ECE1: variants seen among roughly 807,000 people sequenced by gnomAD.
The protein encoded by ECE1 is endothelin converting enzyme 1.
A neutral mutation model predicts 98.6 loss-of-function variants in ECE1; 35 were observed. The ratio of observed to expected loss-of-function variants is 0.35; its 90% confidence interval spans 0.27 to 0.47. The LOEUF is 0.47. Ranked by LOEUF, ECE1 falls within the 20% of genes least tolerant of loss-of-function variation. ECE1 has a pLI of 1.00. For missense variants in ECE1, 814 were observed against 1,025.3 expected, an observed-to-expected ratio of 0.79 and a Z score of 2.81; for synonymous variants, 394 against 407.1, an observed-to-expected ratio of 0.97 and a Z score of 0.39.
intron 7 of ECE1, 39 bp from the exon 8 acceptor site, chr1:21,256,177 C>G (rs775758654): frequency 2.5e-6 from 4 of 1,573,534 alleles, no homozygotes; most frequent in Non-Finnish European, 3.5e-6. Flanking sequence ...TGGCTGCCCC[C>G]CCACTATCCA....
chr1:21,323,677 C>T (rs1341418708), intron 1 of ECE1, among the ~76,000 whole-genome samples: 1 of 151,704 alleles, frequency 6.6e-6, no homozygotes, highest in Non-Finnish European at 1.5e-5. Context: ...TAAGCCTTGC[C>T]TTCATGAAAC....
At chr1:21,301,827 G>GA (rs34861827) in intron 1 of ECE1, among the ~76,000 whole-genome samples, 6,900 of 33,934 alleles carry the variant, frequency 0.2, 1,291 homozygotes, top group Non-Finnish European at 0.28. Flanking sequence ...CCCTGTCTCA[G>GA]AAAAAAAAAA....
intron 4 of ECE1, among the ~76,000 whole-genome samples, chr1:21,265,387 C>T (rs10799687): frequency 0.04 from 6,029 of 152,160 alleles, 409 homozygotes; most frequent in African/African-American, 0.14. Flanking sequence ...CAAAAGTTAT[C>T]CGGGTGTGGT....
chr1:21,279,263 C>G lies in ECE1; in HGVS notation c.208G>C (p.Val70Leu). 1 of 1,614,246 alleles carries G rather than the reference C, an allele frequency of 6.2e-7. No homozygotes were observed. The highest frequency in any genetic ancestry group is 1.1e-5 in the South Asian group (1 of 91,084). ...GCCGCCAGAAGTACCACCAACACCA[C>G]CAGCCGCTTCTCCACCTGGGTCCGT... ...AARTQVEKRL[V>L]VLVVLLAAGL... The change falls in exon 3 of 19, where the codon GTG becomes CTG. Residue 70 changes from valine (V) to leucine (L), a missense_variant. Coordinates refer to ENST00000374893, the MANE Select transcript of ECE1 (RefSeq NM_001397.3).
Position 21,307,674 on chromosome 1 carries a change from G to A in ECE1, c.4-17518C>T, listed in dbSNP as rs1486225119. Among the ~76,000 whole-genome samples, 2 of 152,156 alleles carry A rather than the reference G, an allele frequency of 1.3e-5. No homozygotes were observed. Among genetic ancestry groups the A allele is most frequent in the Non-Finnish European group, 2.9e-5 (2 of 68,024 alleles). On this transcript the variant is annotated intron_variant, in intron 1 of 18. Transcript: ENST00000415912. The surrounding 1 kb of genome is among the most constrained non-coding windows in gnomAD (Gnocchi z 4.2). Reference sequence around the variant, plus strand: ...TCTTTGTACCTCTGAGGTACAAAGTGGAAGCTCTGCCTGGCTGGCAAGACC... The same window carrying A: ...TCTTTGTACCTCTGAGGTACAAAGTAGAAGCTCTGCCTGGCTGGCAAGACC...
intron 14 of ECE1, among the ~76,000 whole-genome samples, chr1:21,230,856 A>C (rs943938549): frequency 1.3e-5 from 2 of 152,062 alleles, no homozygotes; most frequent in Non-Finnish European, 2.9e-5. Context: ...CATAAAATTT[A>C]AAAAAAATCA....
At chr1:21,285,287 C>T (rs1422060469) in intron 2 of ECE1, among the ~76,000 whole-genome samples, 2 of 152,166 alleles carry the variant, frequency 1.3e-5, no homozygotes, top group Admixed American at 1.3e-4. Context: ...ACCCAGCTCC[C>T]CACAGCATGG....
intron 2 of ECE1, among the ~76,000 whole-genome samples, chr1:21,284,893 A>T (rs1230405928): frequency 1.3e-5 from 2 of 152,182 alleles, no homozygotes; most frequent in Non-Finnish European, 2.9e-5. Flanking sequence ...AAACCCAGCC[A>T]CCTGGGAGCG....
intron 4 of ECE1, among the ~76,000 whole-genome samples, chr1:21,264,354 G>A (rs571637276): frequency 3.7e-5 from 5 of 136,520 alleles, no homozygotes; most frequent in East Asian, 4.8e-4. Context: ...TCGCTCTGTC[G>A]CCCAGGCTGG....
chr1:21,330,391 G>A (rs1639175241), intron 1 of ECE1, among the ~76,000 whole-genome samples: 1 of 151,616 alleles, frequency 6.6e-6, no homozygotes, highest in African/African-American at 2.4e-5. Flanking sequence ...ACCATGCCCA[G>A]CTAATTGTTT....
intron 1 of ECE1, among the ~76,000 whole-genome samples, chr1:21,338,289 C>T (rs776479541): frequency 3.3e-5 from 5 of 152,196 alleles, no homozygotes; most frequent in East Asian, 1.9e-4. Context: ...TTCCAAGTGA[C>T]GCAACCAAGT....
At chr1:21,335,320 C>T (rs934275860) in intron 1 of ECE1, among the ~76,000 whole-genome samples, 6 of 152,202 alleles carry the variant, frequency 3.9e-5, no homozygotes, top group African/African-American at 7.2e-5. Context: ...TTTCTTCTCT[C>T]GGAGCGATCC....
rs2098265326 is a variant in ECE1 at position 21,290,307 on chromosome 1, G to A, written c.51+57C>T. 8.1e-6 allele frequency: 10 copies of A among 1,236,324 alleles called. No homozygotes were observed. The highest frequency in any genetic ancestry group is 1.0e-5 in the Non-Finnish European group (10 of 992,988). The allele number at this position is 1,236,324 out of a possible 1,614,324, so 76.6% of individuals were successfully genotyped here. On this transcript the variant is annotated intron_variant, in intron 1 of 18. Transcript: ENST00000374893. The surrounding 1 kb of genome is among the most constrained non-coding windows in gnomAD (Gnocchi z 7.3). ...GAGACCGGCCCACGGAGCGGCCCGC[G>A]CGGGGAGGGGTCCCGCCCGCCTCCC...
At chr1:21,231,614 T>A (rs2098181827) in intron 14 of ECE1, among the ~76,000 whole-genome samples, 1 of 152,148 alleles carries the variant, frequency 6.6e-6, no homozygotes, top group Non-Finnish European at 1.5e-5. Context: ...AGTACTGGGA[T>A]TACCGGTGTG....
At chr1:21,318,856 C>A (rs528572853) in intron 1 of ECE1, among the ~76,000 whole-genome samples, 1 of 152,274 alleles carries the variant, frequency 6.6e-6, no homozygotes, top group African/African-American at 2.4e-5. Context: ...GCACTTCTGT[C>A]GGGGGAGACG....
Position 21,327,934 on chromosome 1 carries a change from T to C in ECE1, c.3+17442A>G, listed in dbSNP as rs571420123. ...GGCTGTGCATTCCTATGAGAATCTA[T>C]GAGAATCTAACTAAGGTGATGAATC... is the stretch of plus-strand genomic sequence containing the variant. On this transcript the variant is annotated intron_variant, in intron 1 of 18. Coordinates refer to the ECE1 transcript ENST00000415912. This position sits in a 1 kb window ranked among gnomAD's most constrained non-coding sequence, Gnocchi z 4.6. Among the ~76,000 whole-genome samples the C allele has an allele frequency of 1.3e-4, 20 of 152,346 alleles. No individual in the cohort carries two copies. The highest frequency in any genetic ancestry group is 1.9e-4 in the Non-Finnish European group (13 of 68,036).
rs533474330 is a variant in ECE1 at position 21,322,906 on chromosome 1, G to A, written c.3+22470C>T. Among the ~76,000 whole-genome samples, 1 of 152,222 alleles carries A rather than the reference G, an allele frequency of 6.6e-6. No homozygotes were observed. Among genetic ancestry groups the A allele is most frequent in the Admixed American group, 6.5e-5 (1 of 15,290 alleles). On this transcript the variant is annotated intron_variant, in intron 1 of 18. Coordinates refer to the ECE1 transcript ENST00000415912. The surrounding 1 kb of genome is among the most constrained non-coding windows in gnomAD (Gnocchi z 4.1). ...AAAACCCCTCACTGGGGCTTTGGAG[G>A]GAGGGCAGGTCCCAGGGCTCAGGGG...
rs1057167112 is a variant in ECE1 at position 21,233,116 on chromosome 1, T to C, written c.1670+442A>G. On this transcript the variant is annotated intron_variant, in intron 14 of 18. Coordinates refer to ENST00000374893, the MANE Select transcript of ECE1 (RefSeq NM_001397.3). The surrounding 1 kb of genome is among the most constrained non-coding windows in gnomAD (Gnocchi z 4.0). The stretch of plus-strand genomic sequence containing the variant: ...TGTCCTGAGATCCCACCATTCGTGG[T>C]AGTGAGGAACAATGGGAAAGCTGCT... The C allele has an allele frequency of 7.3e-5, 13 of 179,096 alleles. No individual in the cohort carries two copies. The highest frequency in any genetic ancestry group is 1.3e-4 in the Non-Finnish European group (11 of 83,162). The allele number at this position is 179,096 out of a possible 1,614,324, so 11.1% of individuals were successfully genotyped here.
At chr1:21,299,103 C>A (rs1479790307) in intron 1 of ECE1, 1 of 334,564 alleles carries the variant, frequency 3.0e-6, no homozygotes, top group Non-Finnish European at 6.0e-6. Context: ...AAAGTTAACC[C>A]GTCTCATTGA....
Sources: gnomAD v4.1 joint callset for allele counts (sites outside exome capture counted in the v4.1 genomes callset) on GRCh38, gnomAD v4.1.1 for gene constraint, Gnocchi (gnomAD v3.1) non-coding constraint, MANE v1.5 for transcripts, NCBI Gene and HGNC (gene_info 2026-07-23, HGNC 2026-07-21) for gene names.